Variants in FFAR4 observed in about 807,000 individuals in gnomAD.
The protein encoded by FFAR4 is free fatty acid receptor 4.
FFAR4 carries 19 observed loss-of-function variants against 27.0 expected under a neutral mutation model. That is an observed-to-expected ratio of 0.70 (90% CI 0.49 to 1.03). The LOEUF is 1.03. FFAR4 is among the 50% of genes least tolerant of loss of function. The pLI, the probability that FFAR4 is intolerant of heterozygous loss-of-function variation, is 0.00. For missense variants in FFAR4, 476 were observed against 479.0 expected (o/e 0.99, Z 0.06); for synonymous variants, 254 against 215.6 (o/e 1.18, Z -1.56).
intron 1 of FFAR4, 63 bp downstream of exon 1, chr10:93,567,350 C>T: frequency 7.0e-7 from 1 of 1,436,628 alleles, no homozygotes; most frequent in Non-Finnish European, 9.5e-7. Flanking sequence ...GGGGCCCCGA[C>T]GGAAGCTGGG....
chr10:93,582,075 T>C (rs549979230), intron 2 of FFAR4, among the ~76,000 whole-genome samples: 3 of 152,350 alleles, frequency 2.0e-5, no homozygotes, highest in South Asian at 4.1e-4. Flanking sequence ...TCAAGCATTC[T>C]GCCCAGTGCA....
intron 2 of FFAR4, 61 bp downstream of exon 2, chr10:93,576,280 A>T (rs1343358646): frequency 3.8e-6 from 6 of 1,589,870 alleles, no homozygotes; most frequent in African/African-American, 1.3e-5. Context: ...TTTCTGCTAG[A>T]ATCTTAGAAT....
At chr10:93,577,964 G>T (rs1315164993) in intron 2 of FFAR4, among the ~76,000 whole-genome samples, 2 of 152,166 alleles carry the variant, frequency 1.3e-5, no homozygotes, top group African/African-American at 4.8e-5. Flanking sequence ...CTATCCAGAA[G>T]AAGCTTTGAC....
intron 2 of FFAR4, among the ~76,000 whole-genome samples, chr10:93,580,052 C>A (rs950870324): frequency 2.6e-5 from 4 of 152,204 alleles, no homozygotes; most frequent in Non-Finnish European, 5.9e-5. Flanking sequence ...CATTTGTCCT[C>A]ACTTGGTACC....
intron 1 of FFAR4, among the ~76,000 whole-genome samples, chr10:93,570,740 A>C (rs2058127401): frequency 6.6e-6 from 1 of 152,202 alleles, no homozygotes; most frequent in Non-Finnish European, 1.5e-5. Context: ...TCAGACTCTA[A>C]AACTTCACTG....
In FFAR4 at chr10:93,587,815, G is replaced by C; in HGVS notation, c.*206G>C. On this transcript the variant is annotated 3_prime_UTR_variant, in exon 3 of 3. Transcript: ENST00000371481. ...TAAAAGGATTTGTTGGCCAGGTGCAGTGGTTCATGCCTGTAATCCCAGCAG... is the reference window on the plus strand; with the variant it reads ...TAAAAGGATTTGTTGGCCAGGTGCACTGGTTCATGCCTGTAATCCCAGCAG... 1 of 530,962 alleles carries C rather than the reference G, an allele frequency of 1.9e-6. No homozygotes were observed. The highest frequency in any genetic ancestry group is 3.3e-6 in the Non-Finnish European group (1 of 302,576). The allele number at this position is 530,962 out of a possible 1,614,324, so 32.9% of individuals were successfully genotyped here. A position where few individuals can be genotyped will look rare whatever the true frequency, so the allele number is the denominator to read the frequency against.
chr10:93,577,724 A>G (rs1206686317), intron 2 of FFAR4, among the ~76,000 whole-genome samples: 1 of 152,250 alleles, frequency 6.6e-6, no homozygotes, highest in Non-Finnish European at 1.5e-5. Context: ...TATGCCAGGA[A>G]CTGACTCTTT....
chr10:93,585,225 T>TCACTGCCAGCCCTGCTC (rs553037953), intron 2 of FFAR4, among the ~76,000 whole-genome samples: 3,982 of 152,204 alleles, frequency 0.026, 84 homozygotes, highest in East Asian at 0.084. Flanking sequence ...TGCCTCTGCT[T>TCACTGCCAGCCCTGCTC]CACTGCCAGC....
At chr10:93,581,180 C>T (rs904319709) in intron 2 of FFAR4, among the ~76,000 whole-genome samples, 10 of 152,182 alleles carry the variant, frequency 6.6e-5, no homozygotes, top group Admixed American at 5.9e-4. Context: ...AAATATTTGT[C>T]GAATAAGTGA....
chr10:93,579,174 C>T (rs1392662171), intron 2 of FFAR4: 16 of 1,614,010 alleles, frequency 9.9e-6, no homozygotes, highest in Non-Finnish European at 1.4e-5. Context: ...GGAACACCTC[C>T]TGGATGCAAG....
intron 1 of FFAR4, among the ~76,000 whole-genome samples, chr10:93,570,165 C>A (rs1360709297): frequency 6.7e-6 from 1 of 149,824 alleles, no homozygotes; most frequent in African/African-American, 2.5e-5. Context: ...CCTCATCTCT[C>A]TCTCTCTCTG....
At chr10:93,587,061 C>A (rs1387089600) in intron 2 of FFAR4, among the ~76,000 whole-genome samples, 159 bp from the exon 3 acceptor site, 1 of 152,122 alleles carries the variant, frequency 6.6e-6, no homozygotes, top group Non-Finnish European at 1.5e-5. Flanking sequence ...GCCGGGGTCC[C>A]ATTTCTCCAG....
At chr10:93,569,686 G>T (rs913823969) in intron 1 of FFAR4, among the ~76,000 whole-genome samples, 1 of 152,008 alleles carries the variant, frequency 6.6e-6, no homozygotes, top group South Asian at 2.1e-4. Flanking sequence ...GTGCACTGGG[G>T]GCCAGGTGAG....
rs898171500 is a variant in FFAR4 at position 93,589,999 on chromosome 10, A to C, written c.*2390A>C. Reference sequence around the variant, plus strand: ...CAGATTCATGGATATCACAAGCTCGAAGACAAACGAACAGAGATGTTTTGC... The same window carrying C: ...CAGATTCATGGATATCACAAGCTCGCAGACAAACGAACAGAGATGTTTTGC... On this transcript the variant is annotated 3_prime_UTR_variant, in exon 3 of 3. Transcript: ENST00000371481. 7 of 152,244 alleles carry C rather than the reference A, an allele frequency of 4.6e-5. No homozygotes were observed. The highest frequency in any genetic ancestry group is 1.7e-4 in the African/African-American group (7 of 41,460). The allele number at this position is 152,244 out of a possible 1,614,324, so 9.4% of individuals were successfully genotyped here. A position where few individuals can be genotyped will look rare whatever the true frequency, so the allele number is the denominator to read the frequency against.
At chr10:93,578,045 G>C (rs1471309846) in intron 2 of FFAR4, among the ~76,000 whole-genome samples, 1 of 152,124 alleles carries the variant, frequency 6.6e-6, no homozygotes, top group African/African-American at 2.4e-5. Flanking sequence ...ACACAAGGTG[G>C]AATGATACTG....
At chr10:93,584,602 T>G (rs2058216837) in intron 2 of FFAR4, among the ~76,000 whole-genome samples, 1 of 152,208 alleles carries the variant, frequency 6.6e-6, no homozygotes, top group East Asian at 1.9e-4. Flanking sequence ...CAGCATCTGT[T>G]GCCCTGGTCT....
intron 2 of FFAR4, among the ~76,000 whole-genome samples, chr10:93,578,372 G>GTGCCAC (rs2058177317): frequency 7.2e-6 from 1 of 139,434 alleles, no homozygotes; most frequent in Non-Finnish European, 1.5e-5. Flanking sequence ...AGCCGAGATC[G>GTGCCAC]TGCCACTGCA....
chr10:93,579,368 C>T (rs906846172), intron 2 of FFAR4, among the ~76,000 whole-genome samples: 3 of 152,168 alleles, frequency 2.0e-5, no homozygotes, highest in Non-Finnish European at 4.4e-5. Context: ...CTGTACTGCG[C>T]ACTGGCCACC....
chr10:93,580,497 G>A (rs933512628), intron 2 of FFAR4, among the ~76,000 whole-genome samples: 1 of 152,192 alleles, frequency 6.6e-6, no homozygotes, highest in Non-Finnish European at 1.5e-5. Flanking sequence ...GAAAGGGTTT[G>A]GGAAATGCTG....
Sources: allele counts gnomAD v4.1 joint callset (sites outside exome capture counted in the v4.1 genomes callset), GRCh38; gene constraint gnomAD v4.1.1; transcripts MANE v1.5; gene names NCBI Gene and HGNC (gene_info 2026-07-23, HGNC 2026-07-21).